Variants in RGS22 observed in about 807,000 individuals in gnomAD.
RGS22 encodes regulator of G-protein signaling 22.
In RGS22, 148 loss-of-function variants were observed where a neutral mutation model predicts 172.9. The ratio of observed to expected loss-of-function variants is 0.86; its 90% CI spans 0.75 to 0.98. RGS22 has a LOEUF of 0.98. RGS22 is among the 50% of genes least tolerant of loss of function. RGS22 has a pLI of 0.00. For synonymous variants in RGS22, 458 were observed against 480.2 expected, an observed-to-expected ratio of 0.95 and a Z score of 0.60; for missense variants, 1,347 against 1,440.8, an observed-to-expected ratio of 0.93 and a Z score of 1.05.
Position 100,040,070 on chromosome 8 carries a change from A to T in RGS22, c.1956T>A (p.Asp652Glu). 1.2e-6 allele frequency: 2 copies of T among 1,609,718 alleles called. No individual in the cohort carries two copies. The highest frequency in any genetic ancestry group is 1.7e-6 in the Non-Finnish European group (2 of 1,178,708). ...TEEPRVKTVS[D>E]VGALGGSDME... ...TGTCAGATCCTCCCAAGGCACCAAC[A>T]TCTGACACGGTTTTAACCTAGATAA... The change falls in exon 13 of 28, where the codon GAT (aspartate) becomes GAA (glutamate). Residue 652 changes from aspartate to glutamate, a missense_variant. Asp to Glu is a conservative substitution (Grantham distance 45). Coordinates refer to ENST00000360863, the MANE Select transcript of RGS22 (RefSeq NM_015668.5).
intron 23 of RGS22, among the ~76,000 whole-genome samples, chr8:99,976,650 T>A (rs372926250): frequency 6.6e-6 from 1 of 152,158 alleles, no homozygotes; most frequent in African/African-American, 2.4e-5. Flanking sequence ...CGTGAGCCAC[T>A]GCGCCCGACT....
At chr8:100,030,016 C>T (rs1286609366) in intron 14 of RGS22, among the ~76,000 whole-genome samples, 1 of 152,080 alleles carries the variant, frequency 6.6e-6, no homozygotes, top group African/African-American at 2.4e-5. Context: ...CAATCTAAAA[C>T]ATACAACACA....
intron 2 of RGS22, among the ~76,000 whole-genome samples, chr8:100,098,716 T>C (rs558201556): frequency 6.6e-6 from 1 of 152,042 alleles, no homozygotes; most frequent in Non-Finnish European, 1.5e-5. Context: ...CTTCTTCTTC[T>C]CTTCTATTCT....
intron 20 of RGS22, among the ~76,000 whole-genome samples, chr8:99,995,449 G>A (rs4354278): frequency 0.64 from 96,661 of 152,004 alleles, 31,908 homozygotes; most frequent in African/African-American, 0.83. Flanking sequence ...AAAAGTGGGC[G>A]AAGGATATGA....
chr8:100,041,871 A>G lies in RGS22; in HGVS notation c.1869T>C (p.Ser623=), dbSNP rs1218215188. Reference sequence around the variant, plus strand: ...TGAGACATTCAGAAATGTCAGTAAAAGATGTTAAATGAATGACTTTGCTGC... The same window carrying G: ...TGAGACATTCAGAAATGTCAGTAAAGGATGTTAAATGAATGACTTTGCTGC... ...SESSKVIHLT[S]FTDISECLKP... The change falls in exon 12 of 28, where the codon TCT becomes TCC. Residue 623 remains serine, a synonymous_variant. Transcript: ENST00000360863. The G allele has an allele frequency of 1.2e-6, 2 of 1,613,202 alleles. No homozygotes were observed. The highest frequency in any genetic ancestry group is 2.2e-5 in the East Asian group (1 of 44,766).
intron 14 of RGS22, among the ~76,000 whole-genome samples, chr8:100,015,536 G>A: frequency 6.6e-6 from 1 of 152,220 alleles, no homozygotes; most frequent in East Asian, 1.9e-4. Context: ...CAAGTAATCT[G>A]CCTGCCTTGG....
At chr8:100,000,126 C>A (rs1814875878) in intron 18 of RGS22, among the ~76,000 whole-genome samples, 4 of 152,172 alleles carry the variant, frequency 2.6e-5, no homozygotes, top group Admixed American at 2.6e-4. Flanking sequence ...TTGGCTTCAA[C>A]AAGCTACTAA....
At chr8:100,018,159 T>C (rs3101327) in intron 14 of RGS22, among the ~76,000 whole-genome samples, 1 of 151,118 alleles carries the variant, frequency 6.6e-6, no homozygotes, top group Non-Finnish European at 1.5e-5. Flanking sequence ...TGTGCTGCTT[T>C]CCCCGCACCT....
intron 6 of RGS22, among the ~76,000 whole-genome samples, chr8:100,066,708 T>C (rs1037146285): frequency 1.3e-5 from 2 of 152,132 alleles, no homozygotes; most frequent in Admixed American, 6.5e-5. Context: ...CCATTCTGTC[T>C]CACCTGGCTC....
Position 100,083,855 on chromosome 8 carries a change from T to C in RGS22, c.118-3500A>G, listed in dbSNP as rs1429438675. Among the ~76,000 whole-genome samples, 79 of 150,010 alleles carry C rather than the reference T, an allele frequency of 5.3e-4. 1 individual carries two copies. The highest frequency in any genetic ancestry group is 5.5e-4 in the Non-Finnish European group (37 of 67,418). On this transcript the variant is annotated intron_variant, in intron 3 of 27. Transcript: ENST00000360863. ...CTTTTTTTTTTTTTTTTTTGTTTTT[T>C]GTTTTTTCTGAGACAGAGTCTTGCT...
chr8:100,104,206 G>C (rs1813724793), intron 2 of RGS22, among the ~76,000 whole-genome samples: 1 of 152,150 alleles, frequency 6.6e-6, no homozygotes, highest in Non-Finnish European at 1.5e-5. Flanking sequence ...TAGGGACAGT[G>C]ACTCAGATGG....
chr8:100,093,012 G>C (rs1432974939), intron 3 of RGS22: 1 of 152,862 alleles, frequency 6.5e-6, no homozygotes, highest in East Asian at 1.9e-4. Context: ...TCTGTCAAAA[G>C]TCTAACTGTT....
intron 12 of RGS22, among the ~76,000 whole-genome samples, chr8:100,040,661 T>C (rs1440821676): frequency 1.3e-5 from 2 of 152,194 alleles, no homozygotes; most frequent in African/African-American, 2.4e-5. Flanking sequence ...GCAATCCTCA[T>C]ACAATTTTTG....
intron 23 of RGS22, among the ~76,000 whole-genome samples, chr8:99,966,589 A>G (rs1810757543): frequency 6.6e-6 from 1 of 152,252 alleles, no homozygotes; most frequent in African/African-American, 2.4e-5. Context: ...AGATGAGTAA[A>G]GAAGAGACAC....
chr8:100,026,659 G>T (rs1432379507), intron 14 of RGS22, among the ~76,000 whole-genome samples: 1 of 152,144 alleles, frequency 6.6e-6, no homozygotes, highest in Non-Finnish European at 1.5e-5. Flanking sequence ...GTCAGGAACA[G>T]GACTTGCAAA....
intron 22 of RGS22, among the ~76,000 whole-genome samples, chr8:99,979,927 G>A (rs921388096): frequency 1.3e-5 from 2 of 152,110 alleles, no homozygotes; most frequent in East Asian, 1.9e-4. Flanking sequence ...GAGAGAAGAC[G>A]ATACTGCAAA....
chr8:100,034,996 G>T (rs200456243), intron 14 of RGS22, among the ~76,000 whole-genome samples: 2 of 152,006 alleles, frequency 1.3e-5, no homozygotes, highest in Non-Finnish European at 2.9e-5. Context: ...CCTAAAACCA[G>T]AAAAACCCTA....
chr8:100,028,042 T>C (rs999789156), intron 14 of RGS22, among the ~76,000 whole-genome samples: 2 of 152,184 alleles, frequency 1.3e-5, no homozygotes, highest in Non-Finnish European at 2.9e-5. Flanking sequence ...CATTTCACCT[T>C]GTGTATAACC....
At chr8:100,058,314 CA>C (rs1809818792) in intron 9 of RGS22, among the ~76,000 whole-genome samples, 1 of 152,064 alleles carries the variant, frequency 6.6e-6, no homozygotes, top group Non-Finnish European at 1.5e-5. Flanking sequence ...GAGAACTTCT[CA>C]AACCTAGAGA....
Sources: gnomAD v4.1 joint callset for allele counts (sites outside exome capture counted in the v4.1 genomes callset) on GRCh38, gnomAD v4.1.1 for gene constraint, MANE v1.5 for transcripts, NCBI Gene and HGNC (gene_info 2026-07-23, HGNC 2026-07-21) for gene names.